Variants in DYNC1LI1 observed in about 807,000 individuals in gnomAD.
DYNC1LI1 encodes the protein cytoplasmic dynein 1 light intermediate chain 1.
A neutral mutation model predicts 63.8 loss-of-function variants in DYNC1LI1; 19 were observed. The observed-to-expected ratio is 0.30, with a 90% CI of 0.21 to 0.44. The LOEUF (loss-of-function observed/expected upper bound fraction) is 0.44. Ranked by LOEUF, DYNC1LI1 falls within the 20% of genes least tolerant of loss-of-function variation. DYNC1LI1 has a pLI of 1.00. For missense variants in DYNC1LI1, 565 were observed against 630.2 expected (o/e 0.90, Z 1.11); for synonymous variants, 225 against 232.3 (o/e 0.97, Z 0.28).
chr3:32,570,240 G>T, intron 2 of DYNC1LI1, 106 bp downstream of exon 2: 1 of 932,728 alleles, frequency 1.1e-6, no homozygotes, highest in Non-Finnish European at 1.7e-6. Context: ...GCGGGGCGGG[G>T]CTGGGCCGGC....
chr3:32,570,051 G>C, intron 2 of DYNC1LI1: 1 of 531,298 alleles, frequency 1.9e-6, no homozygotes. Flanking sequence ...CCCAGGCCAC[G>C]AGAATCCCTC....
chr3:32,532,091 T>C (rs1296036588), intron 8 of DYNC1LI1: 1 of 152,194 alleles, frequency 6.6e-6, no homozygotes, highest in Non-Finnish European at 1.5e-5. Context: ...CTATAGAACA[T>C]TATACACTGC....
chr3:32,537,283 G>A lies in DYNC1LI1; in HGVS notation c.739-179C>T. ...TGAACTTTTAGTTGGAGGGACTAAT[G>A]GATAATTTTATCTTTTTAAAAAGCA... is the stretch of plus-strand genomic sequence containing the variant. On this transcript the variant is annotated intron_variant, in intron 5 of 12. Transcript: ENST00000273130. 3 of 358,208 alleles carry A rather than the reference G, an allele frequency of 8.4e-6. No homozygotes were observed. In the East Asian group the frequency reaches 1.4e-4, roughly 16 times the overall value. 22.2% of individuals were successfully genotyped at this position (358,208 alleles called of 1,614,324 possible). A position where few individuals can be genotyped will look rare whatever the true frequency, so the allele number is the denominator to read the frequency against.
intron 2 of DYNC1LI1, among the ~76,000 whole-genome samples, chr3:32,565,605 G>A (rs1698247674): frequency 6.6e-6 from 1 of 152,116 alleles, no homozygotes; most frequent in Non-Finnish European, 1.5e-5. Flanking sequence ...GAGCTAGGCT[G>A]CACAATTTTT....
chr3:32,527,375 A>G (rs1575146331), intron 12 of DYNC1LI1, among the ~76,000 whole-genome samples: 1 of 152,282 alleles, frequency 6.6e-6, no homozygotes, highest in South Asian at 2.1e-4. Flanking sequence ...AAATGGAGGT[A>G]TAACTGGCAC....
chr3:32,538,691 G>C (rs935084057), intron 5 of DYNC1LI1, among the ~76,000 whole-genome samples: 3 of 151,124 alleles, frequency 2.0e-5, no homozygotes, highest in Non-Finnish European at 4.4e-5. Context: ...ACAGTGCAAG[G>C]CTCCATATAA....
chr3:32,545,768 C>A, intron 3 of DYNC1LI1, 81 bp downstream of exon 3: 1 of 958,542 alleles, frequency 1.0e-6, no homozygotes, highest in Non-Finnish European at 1.7e-6. Context: ...AAATTACACA[C>A]TAAAAAAAAT....
rs1432053926 is a variant in DYNC1LI1, at chr3:32,541,193, G to A, written c.582C>T (p.Phe194=). 3 of 1,603,074 alleles carry A rather than the reference G, an allele frequency of 1.9e-6. No homozygotes were observed. The highest frequency in any genetic ancestry group is 1.3e-5 in the African/African-American group (1 of 74,436). The part of the protein sequence containing the change: ...KQMEQKLIRD[F]QEYVEPGEDF... ...CTTCTCCTGGCTCTACATATTCTTG[G>A]AAGTCTCTAATCACTGAAAATCAAA... Residue 194 remains phenylalanine (F), a synonymous_variant, in exon 5 of 13, where the codon TTC becomes TTT. Coordinates refer to ENST00000273130, the MANE Select transcript of DYNC1LI1 (RefSeq NM_016141.4).
intron 4 of DYNC1LI1, among the ~76,000 whole-genome samples, chr3:32,542,017 A>C (rs1697888759): frequency 6.6e-6 from 1 of 152,264 alleles, no homozygotes; most frequent in Admixed American, 6.5e-5. Flanking sequence ...AGAATATTTA[A>C]CGTTGTAGGA....
Position 32,570,386 on chromosome 3 carries a change from C to T in DYNC1LI1, c.180G>A (p.Ser60=), listed in dbSNP as rs752299326. Residue 60 remains serine, a synonymous_variant, in exon 2 of 13, where the codon TCG becomes TCA. Transcript: ENST00000273130. The stretch of plus-strand genomic sequence containing the variant: ...TCTTCCCCGCAGGGAGCTTGGAGCG[C>T]GAGCGGGTGGAGACCTCGCTGAGGA... ...SCILSEVSTR[S]RSKLPAGKNV... The T allele has an allele frequency of 1.2e-6, 2 of 1,606,528 alleles. No homozygotes were observed. The highest frequency in any genetic ancestry group is 1.1e-5 in the South Asian group (1 of 89,774).
At chr3:32,566,336 C>T (rs766530347) in intron 2 of DYNC1LI1, among the ~76,000 whole-genome samples, 1 of 152,158 alleles carries the variant, frequency 6.6e-6, no homozygotes, top group Non-Finnish European at 1.5e-5. Context: ...ACAATCCTTA[C>T]ATGACTAGTA....
chr3:32,562,260 C>G (rs969379741), intron 2 of DYNC1LI1, among the ~76,000 whole-genome samples: 4 of 152,184 alleles, frequency 2.6e-5, no homozygotes, highest in Non-Finnish European at 5.9e-5. Context: ...AAGACTTTCT[C>G]TCTAAAACAT....
chr3:32,534,920 C>A, intron 6 of DYNC1LI1, among the ~76,000 whole-genome samples: 1 of 152,146 alleles, frequency 6.6e-6, no homozygotes, highest in Non-Finnish European at 1.5e-5. Context: ...AATACTGACA[C>A]CATGACTACT....
intron 2 of DYNC1LI1, among the ~76,000 whole-genome samples, chr3:32,560,999 T>C (rs1224074453): frequency 3.7e-5 from 1 of 27,126 alleles, no homozygotes; most frequent in Non-Finnish European, 6.6e-5. Context: ...CAAAACTCCG[T>C]CTCAAAAAAA....
Position 32,537,984 on chromosome 3 carries a change from TATA to T in DYNC1LI1, c.739-883_739-881del, listed in dbSNP as rs1559436376. ...ATAATATATATATATTTATATATAA[TATA>T]TATATATAATTTATATATATAATAT... On this transcript the variant is annotated intron_variant, in intron 5 of 12. Transcript: ENST00000273130. 2.8e-3 allele frequency among the ~76,000 whole-genome samples: 66 copies of T among 23,546 alleles called. 5 individuals are homozygous for T. The highest frequency in any genetic ancestry group is 0.018 in the African/African-American group (64 of 3,638). The allele number at this position is 23,546 out of a possible 152,430, so 15.4% of individuals were successfully genotyped here.
At chr3:32,535,705 A>G (rs891740821) in intron 6 of DYNC1LI1, among the ~76,000 whole-genome samples, 2 of 152,196 alleles carry the variant, frequency 1.3e-5, no homozygotes, top group African/African-American at 4.8e-5. Flanking sequence ...TTACATTGCA[A>G]TTAAAAATTT....
At chr3:32,541,239 G>A in intron 4 of DYNC1LI1, 33 bp from the exon 5 acceptor site, 1 of 1,446,480 alleles carries the variant, frequency 6.9e-7, no homozygotes, top group Middle Eastern at 1.8e-4. Context: ...TTTAGAAATT[G>A]CTTCATTTCA....
At chr3:32,558,421 A>AAG (rs1553619365) in intron 2 of DYNC1LI1, among the ~76,000 whole-genome samples, 2,376 of 150,380 alleles carry the variant, frequency 0.016, 24 homozygotes, top group South Asian at 0.034. Context: ...AAAAAAAAAA[A>AAG]AAAAGAAAAG....
At chr3:32,548,281 C>A (rs540417351) in intron 2 of DYNC1LI1, among the ~76,000 whole-genome samples, 9 of 152,200 alleles carry the variant, frequency 5.9e-5, no homozygotes, top group Non-Finnish European at 8.8e-5. Context: ...CTCATAGGAG[C>A]CCAAACCCTA....
Sources: allele counts gnomAD v4.1 joint callset (sites outside exome capture counted in the v4.1 genomes callset), GRCh38; gene constraint gnomAD v4.1.1; transcripts MANE v1.5; gene names NCBI Gene and HGNC (gene_info 2026-07-23, HGNC 2026-07-21).